DNM3: variants seen among roughly 807,000 people sequenced by gnomAD.
The protein encoded by DNM3 is dynamin-3.
DNM3 carries 47 observed loss-of-function variants against 101.6 expected under a neutral mutation model. The observed-to-expected ratio is 0.46, with a 90% CI of 0.37 to 0.59. DNM3 has a LOEUF of 0.59. Ranked by LOEUF, DNM3 falls within the 20% of genes least tolerant of loss-of-function variation. The pLI is 0.00. For missense variants in DNM3, 849 were observed against 1,085.7 expected (o/e 0.78, Z 3.06); for synonymous variants, 385 against 387.9 (o/e 0.99, Z 0.09).
intron 18 of DNM3, among the ~76,000 whole-genome samples, chr1:172,381,432 C>G (rs1558067669): frequency 6.6e-6 from 1 of 151,294 alleles, no homozygotes; most frequent in Non-Finnish European, 1.5e-5. Context: ...AGAATGACTG[C>G]TTTTCTTGGG....
rs1255626638 is a variant in DNM3, at chr1:172,410,793, C to A, written c.*2952C>A. 1.0e-6 allele frequency: 1 copy of A among 985,064 alleles called. No individual in the cohort carries two copies. The highest frequency in any genetic ancestry group is 1.7e-5 in the African/African-American group (1 of 57,184). The allele number at this position is 985,064 out of a possible 1,614,324, so 61.0% of individuals were successfully genotyped here. ...CCTGTGATGTAACTGTAAGCCTTCT[C>A]GACTTAGACTTAAAAAGTGGTCACA... On this transcript the variant is annotated 3_prime_UTR_variant, in exon 21 of 21. Coordinates refer to ENST00000627582, the MANE Select transcript of DNM3 (RefSeq NM_015569.5).
chr1:172,028,220 C>G (rs976223310), intron 4 of DNM3, among the ~76,000 whole-genome samples: 2 of 152,226 alleles, frequency 1.3e-5, no homozygotes, highest in African/African-American at 2.4e-5. Flanking sequence ...CTAACAGTCT[C>G]TCTGACCACA....
Position 172,046,003 on chromosome 1 carries a change from C to T in DNM3, c.1196+1551C>T, listed in dbSNP as rs149754796. On this transcript the variant is annotated intron_variant, in intron 9 of 20. Coordinates refer to ENST00000627582, the MANE Select transcript of DNM3 (RefSeq NM_015569.5). Reference sequence around the variant, plus strand: ...ATTGTGAAAGTCAGTGTGGAGATTCCTCAGGGATCTAGAACTAGAAATACC... The same window carrying T: ...ATTGTGAAAGTCAGTGTGGAGATTCTTCAGGGATCTAGAACTAGAAATACC... Among the ~76,000 whole-genome samples the T allele has an allele frequency of 2.6e-3, 399 of 152,292 alleles. 3 individuals carry two copies. Among genetic ancestry groups the T allele is most frequent in the East Asian group, 0.02 (104 of 5,184 alleles).
chr1:172,388,299 T>G (rs540501849), intron 19 of DNM3, among the ~76,000 whole-genome samples: 195 of 152,192 alleles, frequency 1.3e-3, no homozygotes, highest in South Asian at 2.3e-3. Flanking sequence ...AATTTATATA[T>G]AGAGAGAGAA....
At chr1:172,223,781 C>T (rs2061000781) in intron 14 of DNM3, among the ~76,000 whole-genome samples, 1 of 152,148 alleles carries the variant, frequency 6.6e-6, no homozygotes, top group South Asian at 2.1e-4. Flanking sequence ...ATTGTAAGAG[C>T]TTCGTACTTG....
At chr1:172,088,087 T>G (rs1420836873) in intron 12 of DNM3, among the ~76,000 whole-genome samples, 1 of 152,216 alleles carries the variant, frequency 6.6e-6, no homozygotes, top group Non-Finnish European at 1.5e-5. Flanking sequence ...CCATACGTAT[T>G]TCTTAAGATA....
intron 14 of DNM3, among the ~76,000 whole-genome samples, chr1:172,132,317 A>T (rs1025047371): frequency 1.3e-5 from 2 of 152,182 alleles, no homozygotes; most frequent in Non-Finnish European, 2.9e-5. Flanking sequence ...TGTGTTGAAA[A>T]ATATTGGATA....
chr1:172,088,789 GA>G (rs1337507297), intron 12 of DNM3, among the ~76,000 whole-genome samples: 2 of 152,178 alleles, frequency 1.3e-5, no homozygotes. Flanking sequence ...AACATTCAGA[GA>G]AATTACAATG....
intron 1 of DNM3, among the ~76,000 whole-genome samples, chr1:171,909,020 C>T (rs7539162): frequency 0.02 from 2,991 of 152,114 alleles, 97 homozygotes; most frequent in African/African-American, 0.067. Context: ...TGAACACCTG[C>T]TATGTGCCAT....
At chr1:172,032,858 T>G (rs558135597) in intron 5 of DNM3, among the ~76,000 whole-genome samples, 1 of 152,048 alleles carries the variant, frequency 6.6e-6, no homozygotes, top group Non-Finnish European at 1.5e-5. Flanking sequence ...AGATACACAC[T>G]CTCTTAAAAT....
intron 17 of DNM3, among the ~76,000 whole-genome samples, chr1:172,365,439 A>T (rs2067963745): frequency 3.3e-5 from 5 of 151,920 alleles, no homozygotes; most frequent in Admixed American, 2.6e-4. Flanking sequence ...TAAAGTAGTC[A>T]GTCATTGATG....
intron 17 of DNM3, among the ~76,000 whole-genome samples, chr1:172,346,932 C>G (rs1279679977): frequency 6.6e-6 from 1 of 152,166 alleles, no homozygotes; most frequent in African/African-American, 2.4e-5. Context: ...CTGGAAAAAA[C>G]TGTATCCTGG....
At chr1:172,392,447 T>C (rs1286543552) in intron 20 of DNM3, among the ~76,000 whole-genome samples, 1 of 152,328 alleles carries the variant, frequency 6.6e-6, no homozygotes, top group East Asian at 1.9e-4. Context: ...CTTAACAAGA[T>C]GATCTTAAAC....
At chr1:171,870,199 C>T (rs180890517) in intron 1 of DNM3, among the ~76,000 whole-genome samples, 11 of 152,176 alleles carry the variant, frequency 7.2e-5, no homozygotes, top group Middle Eastern at 3.4e-3. Flanking sequence ...TAACAATATC[C>T]GTTTGACATG....
intron 13 of DNM3, among the ~76,000 whole-genome samples, chr1:172,109,828 C>A (rs2055328764): frequency 1.3e-5 from 2 of 152,152 alleles, no homozygotes; most frequent in Admixed American, 6.5e-5. Context: ...CCTGGAGTAT[C>A]TTGAGTTACA....
intron 2 of DNM3, among the ~76,000 whole-genome samples, chr1:171,969,550 T>C (rs1437441434): frequency 6.6e-6 from 1 of 152,184 alleles, no homozygotes; most frequent in Non-Finnish European, 1.5e-5. Context: ...ACTCCTAGTC[T>C]CTTCATTGGG....
chr1:172,160,924 A>G (rs913300189), intron 14 of DNM3, among the ~76,000 whole-genome samples: 3 of 151,944 alleles, frequency 2.0e-5, no homozygotes, highest in Non-Finnish European at 4.4e-5. Flanking sequence ...CTCCATTATA[A>G]TTTTATGGTA....
chr1:172,135,238 A>G lies in DNM3; in HGVS notation c.1659+3950A>G, dbSNP rs538428130. On this transcript the variant is annotated intron_variant, in intron 14 of 20. Transcript: ENST00000627582. ...AGCAAACTGTAAGCCTCTTGAGACC[A>G]GGAGACATTGTTTGTTCCCTGTCCT... Among the ~76,000 whole-genome samples, 7 of 152,298 alleles carry G rather than the reference A, an allele frequency of 4.6e-5. No individual in the cohort carries two copies. In the East Asian group the frequency reaches 1.4e-3, roughly 29 times the overall value.
intron 17 of DNM3, chr1:172,366,479 A>T (rs549487447): frequency 6.6e-6 from 1 of 152,000 alleles, no homozygotes; most frequent in South Asian, 2.1e-4. Context: ...ATGGCCAGTA[A>T]GTTAATATCA....
Sources: allele counts gnomAD v4.1 joint callset (sites outside exome capture counted in the v4.1 genomes callset), GRCh38; gene constraint gnomAD v4.1.1; transcripts MANE v1.5; gene names NCBI Gene and HGNC (gene_info 2026-07-23, HGNC 2026-07-21).